Variants in WASHC2A observed in about 807,000 individuals in gnomAD.
WASHC2A encodes WASH complex subunit FAM21A.
Under a neutral mutation model 140.3 loss-of-function variants are expected in WASHC2A, and 82 were observed. The ratio of observed to expected loss-of-function variants is 0.58; its 90% CI spans 0.49 to 0.70. WASHC2A has a LOEUF of 0.70. Ranked by LOEUF, WASHC2A falls within the 30% of genes least tolerant of loss-of-function variation. The probability of loss-of-function intolerance (pLI) is 0.00; values close to 1 mark genes in which losing one functional copy is unlikely to be tolerated. For synonymous variants in WASHC2A, 340 were observed against 560.8 expected, an observed-to-expected ratio of 0.61 and a Z score of 5.56; for missense variants, 985 against 1,521.8, an observed-to-expected ratio of 0.65 and a Z score of 5.87.
Position 50,127,795 on chromosome 10 carries a change from G to A in WASHC2A, c.3087G>A (p.Lys1029=). The change falls in exon 28 of 31, where the codon AAG becomes AAA. Residue 1029 remains lysine (K), a splice_region_variant and synonymous_variant. Coordinates refer to ENST00000282633, the MANE Select transcript of WASHC2A (RefSeq NM_001005751.3). Reference sequence around the variant, plus strand: ...CAGACACCTTACACAGTGCAAACAAGGTGATGAAACCATCTTTGCTTCCTT... The same window carrying A: ...CAGACACCTTACACAGTGCAAACAAAGTGATGAAACCATCTTTGCTTCCTT... ...AQADTLHSAN[K]SRVKMRGKRR... 1 of 1,453,596 alleles carries A rather than the reference G, an allele frequency of 6.9e-7. No homozygotes were observed. The highest frequency in any genetic ancestry group is 9.4e-7 in the Non-Finnish European group (1 of 1,062,040). 90.0% of individuals were successfully genotyped at this position (1,453,596 alleles called of 1,614,324 possible). A position where few individuals can be genotyped will look rare whatever the true frequency, so the allele number is the denominator to read the frequency against.
intron 20 of WASHC2A, among the ~76,000 whole-genome samples, chr10:50,113,249 G>A (rs1842428057): frequency 6.6e-6 from 1 of 152,076 alleles, no homozygotes; most frequent in African/African-American, 2.4e-5. Context: ...TGTGCCTGTA[G>A]TTGTAGCTAC....
chr10:50,116,608 C>T (rs377670314), intron 21 of WASHC2A, among the ~76,000 whole-genome samples: 13 of 150,642 alleles, frequency 8.6e-5, no homozygotes, highest in East Asian at 7.8e-4. Context: ...CCACCGTGCC[C>T]GGCCTGCACT....
rs1839183052 is a variant in WASHC2A at position 50,084,169 on chromosome 10, C to T, written c.622+4C>T. The T allele has an allele frequency of 1.2e-6, 2 of 1,611,042 alleles. No homozygotes were observed. The highest frequency in any genetic ancestry group is 1.7e-6 in the Non-Finnish European group (2 of 1,179,624). On this transcript the variant is annotated splice_donor_region_variant and intron_variant, in intron 6 of 30. Transcript: ENST00000282633. ...CTTGGAGAGCTGTCCAGTGAAGGTA[C>T]TTTTCTTCACCAAATAATTTTGTTC...
At chr10:50,130,237 G>A (rs1375760906) in intron 29 of WASHC2A, among the ~76,000 whole-genome samples, 198 bp downstream of exon 29, 2 of 150,664 alleles carry the variant, frequency 1.3e-5, no homozygotes, top group Admixed American at 1.3e-4. Flanking sequence ...CATGTAGATT[G>A]TATTTCTTGG....
chr10:50,129,887 C>T lies in WASHC2A; in HGVS notation c.3556C>T (p.Gln1186Ter). 6.2e-7 allele frequency: 1 copy of T among 1,612,034 alleles called. No homozygotes were observed. Among genetic ancestry groups the T allele is most frequent in the South Asian group, 1.1e-5 (1 of 90,990 alleles). The stretch of plus-strand genomic sequence containing the variant: ...GGCCAGCAGTGATGATGATCTCTTT[C>T]AGTCTGCTAAACCAAAACCAGCAAA... ...GEASSDDDLFQSAKPKPAKKT... is the reference protein window; with the variant it reads ...GEASSDDDLF Residue 1186 changes from glutamine to a stop codon, truncating the protein, a stop_gained, in exon 29 of 31, where the codon CAG (glutamine) becomes TAG (stop). Transcript: ENST00000282633. LOFTEE classifies it high-confidence loss of function.
At chr10:50,094,153 A>G (rs1278185100) in intron 13 of WASHC2A, among the ~76,000 whole-genome samples, 66 of 143,410 alleles carry the variant, frequency 4.6e-4, no homozygotes, top group African/African-American at 1.5e-3. Flanking sequence ...GAGAACTCAT[A>G]GAAAGTCAAA....
At chr10:50,082,153 T>C (rs1838955506) in intron 5 of WASHC2A, among the ~76,000 whole-genome samples, 1 of 151,902 alleles carries the variant, frequency 6.6e-6, no homozygotes, top group African/African-American at 2.4e-5. Flanking sequence ...CTCTTTTTTT[T>C]TTCCCCTTGC....
intron 13 of WASHC2A, 108 bp from the exon 14 acceptor site, chr10:50,095,039 CA>C: frequency 6.3e-7 from 1 of 1,585,956 alleles, no homozygotes; most frequent in South Asian, 1.1e-5. Flanking sequence ...AAAGTGGTTT[CA>C]AAAGGTCTGA....
intron 25 of WASHC2A, 25 bp from the exon 26 acceptor site, chr10:50,126,032 T>G: frequency 5.0e-6 from 8 of 1,611,892 alleles, no homozygotes; most frequent in Non-Finnish European, 5.9e-6. Context: ...TTTGATGGCT[T>G]TTTGGTATTT....
intron 2 of WASHC2A, 61 bp downstream of exon 2, chr10:50,068,288 A>T (rs1289693188): frequency 1.4e-6 from 2 of 1,467,774 alleles, no homozygotes; most frequent in African/African-American, 2.9e-5. Flanking sequence ...TGCGCGCAGG[A>T]GGGCCGGACC....
chr10:50,133,506 C>G lies in WASHC2A; in HGVS notation c.*561C>G, dbSNP rs1428922811. 2.1e-6 allele frequency: 1 copy of G among 468,992 alleles called. No homozygotes were observed. The highest frequency in any genetic ancestry group is 4.4e-6 in the Non-Finnish European group (1 of 226,966). 29.1% of individuals were successfully genotyped at this position (468,992 alleles called of 1,614,324 possible). ...TAATAAAATTTTATTGGAACACAACCACATTCATTTGTTTACTTACTGTCT... is the reference window on the plus strand; with the variant it reads ...TAATAAAATTTTATTGGAACACAACGACATTCATTTGTTTACTTACTGTCT... On this transcript the variant is annotated 3_prime_UTR_variant, in exon 31 of 31. Coordinates refer to ENST00000282633, the MANE Select transcript of WASHC2A (RefSeq NM_001005751.3).
intron 17 of WASHC2A, 143 bp downstream of exon 17, chr10:50,100,207 G>A: frequency 6.7e-7 from 1 of 1,481,906 alleles, no homozygotes; most frequent in Non-Finnish European, 9.1e-7. Context: ...TAGAGGCCAG[G>A]AGTAGTGGTT....
At chr10:50,103,274 T>A (rs11497822) in intron 17 of WASHC2A, among the ~76,000 whole-genome samples, 85,466 of 143,608 alleles carry the variant, frequency 0.6, 26,111 homozygotes, top group Middle Eastern at 0.66. Context: ...AAAAGAAATA[T>A]GTCGGCCGGG....
At chr10:50,072,481 C>CTTTT (rs11440968) in intron 3 of WASHC2A, among the ~76,000 whole-genome samples, 1,284 of 90,590 alleles carry the variant, frequency 0.014, 39 homozygotes, top group East Asian at 0.038. Flanking sequence ...AGTGATCTGG[C>CTTTT]TTTTTTTTTT....
chr10:50,088,864 T>C (rs1554881801), intron 8 of WASHC2A, among the ~76,000 whole-genome samples: 1 of 120,762 alleles, frequency 8.3e-6, no homozygotes, highest in Non-Finnish European at 1.7e-5. Flanking sequence ...ATGTGGTTGA[T>C]CTCTATAATT....
intron 8 of WASHC2A, among the ~76,000 whole-genome samples, chr10:50,088,552 G>C (rs1208662991): frequency 6.6e-6 from 1 of 151,300 alleles, no homozygotes; most frequent in Non-Finnish European, 1.5e-5. Flanking sequence ...GAGCCACCAC[G>C]CCCAGCCAAT....
intron 23 of WASHC2A, among the ~76,000 whole-genome samples, chr10:50,121,460 C>T (rs1843012209): frequency 1.3e-5 from 2 of 148,418 alleles, no homozygotes; most frequent in Non-Finnish European, 1.5e-5. Flanking sequence ...ATGGCACAAT[C>T]TTGGCTCACT....
intron 8 of WASHC2A, 31 bp from the exon 9 acceptor site, chr10:50,090,745 G>C (rs1388584197): frequency 1.9e-6 from 3 of 1,582,232 alleles, no homozygotes; most frequent in South Asian, 1.2e-5. Context: ...TTAATAACTA[G>C]TAGTTCTAAT....
chr10:50,088,466 C>G (rs1176840391), intron 8 of WASHC2A, among the ~76,000 whole-genome samples: 2 of 151,710 alleles, frequency 1.3e-5, no homozygotes, highest in East Asian at 3.9e-4. Context: ...CAGGGTCTTC[C>G]CATGTTTCCC....
Sources: allele counts gnomAD v4.1 joint callset (sites outside exome capture counted in the v4.1 genomes callset), GRCh38; gene constraint gnomAD v4.1.1; transcripts MANE v1.5; gene names NCBI Gene and HGNC (gene_info 2026-07-23, HGNC 2026-07-21).